The following MEIS1 variants were observed in gnomAD, a reference collection of about 807,000 sequenced individuals.
MEIS1 encodes Meis homeobox 1.
MEIS1 carries 5 observed loss-of-function variants against 50.8 expected under a neutral mutation model. The observed-to-expected ratio is 0.10, with a 90% CI of 0.05 to 0.21. The LOEUF is 0.21. Among genes scored for constraint, MEIS1 ranks in the 10% least tolerant of loss-of-function variants. The pLI, the probability that MEIS1 is intolerant of heterozygous loss-of-function variation, is 1.00. For missense variants in MEIS1, 318 were observed against 517.3 expected (o/e 0.61, Z 3.74); for synonymous variants, 176 against 179.3 (o/e 0.98, Z 0.15).
intron 12 of MEIS1, 132 bp downstream of exon 12, chr2:66,569,277 C>T (rs2103976967): frequency 5.5e-6 from 4 of 724,366 alleles, no homozygotes; most frequent in South Asian, 1.9e-5. Flanking sequence ...TTTCTTGCTT[C>T]CATCATTTTC....
At chr2:66,563,852 A>T (rs893886123) in intron 9 of MEIS1, among the ~76,000 whole-genome samples, 1 of 152,226 alleles carries the variant, frequency 6.6e-6, no homozygotes, top group African/African-American at 2.4e-5. Flanking sequence ...AAGAGAGAGG[A>T]TGTATAAAAT....
At chr2:66,557,613 C>T (rs142791316) in intron 9 of MEIS1, among the ~76,000 whole-genome samples, 1 of 152,316 alleles carries the variant, frequency 6.6e-6, no homozygotes, top group East Asian at 1.9e-4. Context: ...ATTATCAGCA[C>T]TTCATTCCCT....
At chr2:66,523,051 A>G (rs1674164181) in intron 8 of MEIS1, among the ~76,000 whole-genome samples, 1 of 152,224 alleles carries the variant, frequency 6.6e-6, no homozygotes, top group Non-Finnish European at 1.5e-5. Context: ...GCAGTTACTG[A>G]ACAGAAACAG....
chr2:66,485,150 C>T (rs550668550), intron 7 of MEIS1, among the ~76,000 whole-genome samples: 52 of 152,132 alleles, frequency 3.4e-4, no homozygotes, highest in African/African-American at 1.1e-3. Flanking sequence ...GCAGAACCTG[C>T]GGGTTTGTTA....
intron 7 of MEIS1, among the ~76,000 whole-genome samples, chr2:66,473,397 A>AAAAAAATATATATATATAT: frequency 1.7e-4 from 18 of 107,574 alleles, no homozygotes; most frequent in African/African-American, 8.7e-4. Context: ...AAAAAAAAAA[A>AAAAAAATATATATATATAT]ATATATATAT....
At chr2:66,459,593 A>T (rs561470335) in intron 6 of MEIS1, among the ~76,000 whole-genome samples, 47 of 152,208 alleles carry the variant, frequency 3.1e-4, no homozygotes, top group Non-Finnish European at 6.2e-4. Context: ...CCTTAACAAG[A>T]ACAGCAGTCA....
At chr2:66,500,328 C>T (rs1673520063) in intron 7 of MEIS1, among the ~76,000 whole-genome samples, 1 of 152,186 alleles carries the variant, frequency 6.6e-6, no homozygotes, top group Middle Eastern at 3.2e-3. Context: ...GTGTAGGCAT[C>T]AGGATTTGTA....
At chr2:66,508,718 G>A (rs868627284) in intron 7 of MEIS1, among the ~76,000 whole-genome samples, 1 of 152,216 alleles carries the variant, frequency 6.6e-6, no homozygotes, top group Admixed American at 6.5e-5. Context: ...ACGCCACAAC[G>A]TTGCTTGCAC....
At chr2:66,443,285 TTTC>T (rs1254212216) in intron 6 of MEIS1, 4 of 488,822 alleles carry the variant, frequency 8.2e-6, no homozygotes, top group African/African-American at 2.0e-5. Context: ...ACTTGACCTG[TTTC>T]TTGTCGCTTT....
chr2:66,503,190 T>C (rs1004720508), intron 7 of MEIS1, among the ~76,000 whole-genome samples: 2 of 152,200 alleles, frequency 1.3e-5, no homozygotes, highest in Non-Finnish European at 2.9e-5. Flanking sequence ...GGGCACGCAA[T>C]GGAGAGGACA....
chr2:66,452,173 T>A (rs1191582430), intron 6 of MEIS1, among the ~76,000 whole-genome samples: 1 of 151,948 alleles, frequency 6.6e-6, no homozygotes, highest in East Asian at 1.9e-4. Flanking sequence ...AGTTGTTTTA[T>A]AATCCACGCT....
chr2:66,557,299 A>G (rs1203211473), intron 9 of MEIS1, among the ~76,000 whole-genome samples: 1 of 152,188 alleles, frequency 6.6e-6, no homozygotes, highest in African/African-American at 2.4e-5. Context: ...TTCATAAACC[A>G]TCATTTCACC....
At chr2:66,561,922 A>T (rs1222509009) in intron 9 of MEIS1, among the ~76,000 whole-genome samples, 1 of 152,120 alleles carries the variant, frequency 6.6e-6, no homozygotes, top group East Asian at 1.9e-4. Context: ...GTGGCATGCT[A>T]ACATAACCAA....
intron 6 of MEIS1, among the ~76,000 whole-genome samples, chr2:66,448,266 G>GT (rs1347663571): frequency 1.3e-5 from 2 of 152,154 alleles, no homozygotes; most frequent in African/African-American, 4.8e-5. Context: ...ACACTCATAT[G>GT]TTTAAGTTTT....
chr2:66,544,646 A>G (rs1021694789), intron 8 of MEIS1, among the ~76,000 whole-genome samples: 1 of 152,146 alleles, frequency 6.6e-6, no homozygotes, highest in African/African-American at 2.4e-5. Flanking sequence ...AAAAATATAT[A>G]TATATCCCGA....
rs944697549 is a variant in MEIS1, at chr2:66,435,226, TCAGA to T, written c.-624_-621del. The T allele has an allele frequency of 4.6e-5, 7 of 152,340 alleles. No individual in the cohort carries two copies. Among genetic ancestry groups the T allele is most frequent in the Admixed American group, 1.3e-4 (2 of 15,280 alleles). The allele number at this position is 152,340 out of a possible 1,614,324, so 9.4% of individuals were successfully genotyped here. A position where few individuals can be genotyped will look rare whatever the true frequency, so the allele number is the denominator to read the frequency against. ...CGATCGTGGCTCCTTTAAGACAAAC[TCAGA>T]CAGACATTTTTTTTAACCCTCCTTC... On this transcript the variant is annotated 5_prime_UTR_variant, in exon 1 of 13. Transcript: ENST00000272369.
chr2:66,562,409 C>T (rs1180811215), intron 9 of MEIS1, among the ~76,000 whole-genome samples: 3 of 151,452 alleles, frequency 2.0e-5, no homozygotes, highest in Non-Finnish European at 2.9e-5. Context: ...AAAAAAAAGC[C>T]TAATGATAAA....
intron 8 of MEIS1, among the ~76,000 whole-genome samples, chr2:66,526,096 G>A (rs1029704303): frequency 1.2e-4 from 19 of 152,216 alleles, no homozygotes; most frequent in African/African-American, 3.4e-4. Context: ...CTCAAATTTC[G>A]CAGCATCCTG....
At chr2:66,553,921 C>T (rs1674988279) in intron 9 of MEIS1, among the ~76,000 whole-genome samples, 1 of 152,136 alleles carries the variant, frequency 6.6e-6, no homozygotes. Context: ...CCATGGGGCC[C>T]TAAGTCTAGG....
Sources: gnomAD v4.1 joint callset for allele counts (sites outside exome capture counted in the v4.1 genomes callset) on GRCh38, gnomAD v4.1.1 for gene constraint, MANE v1.5 for transcripts, NCBI Gene and HGNC (gene_info 2026-07-23, HGNC 2026-07-21) for gene names.